The following TCF24 variants were observed in gnomAD, a reference collection of about 807,000 sequenced individuals.
The protein encoded by TCF24 is transcription factor 24.
In TCF24, 5 loss-of-function variants were observed where a neutral mutation model predicts 9.3. The ratio of observed to expected loss-of-function variants is 0.54; its 90% confidence interval spans 0.28 to 1.13. TCF24 has a LOEUF of 1.13. TCF24 is among the 50% of genes most tolerant of loss of function. TCF24 has a pLI of 0.09. For missense variants in TCF24, 220 were observed against 236.1 expected, an observed-to-expected ratio of 0.93 and a Z score of 0.45; for synonymous variants, 110 against 115.8, an observed-to-expected ratio of 0.95 and a Z score of 0.32.
At chr8:66,959,658 C>A (rs960156594) in intron 3 of TCF24, among the ~76,000 whole-genome samples, 9 of 152,282 alleles carry the variant, frequency 5.9e-5, no homozygotes, top group Non-Finnish European at 1.2e-4. Context: ...GTTCACTCCC[C>A]TAAAATAGTG....
chr8:66,958,747 A>G (rs1814207723), intron 3 of TCF24, among the ~76,000 whole-genome samples: 1 of 152,208 alleles, frequency 6.6e-6, no homozygotes, highest in Non-Finnish European at 1.5e-5. Flanking sequence ...TTGTTTACCT[A>G]TCATAGACAA....
At chr8:66,952,088 A>G (rs1214565192) in intron 3 of TCF24, among the ~76,000 whole-genome samples, 2 of 146,254 alleles carry the variant, frequency 1.4e-5, no homozygotes. Flanking sequence ...TTGTGTCTCT[A>G]TTTCCTTCAT....
At chr8:66,956,404 C>T (rs1476448799) in intron 3 of TCF24, among the ~76,000 whole-genome samples, 2 of 152,068 alleles carry the variant, frequency 1.3e-5, no homozygotes, top group Non-Finnish European at 1.5e-5. Context: ...TGCTCTGTCA[C>T]CCAGGCTGGA....
chr8:66,961,211 G>A (rs930339434), intron 3 of TCF24, among the ~76,000 whole-genome samples, 165 bp downstream of exon 3: 6 of 152,166 alleles, frequency 3.9e-5, no homozygotes, highest in African/African-American at 7.2e-5. Context: ...CTTTCGCGGC[G>A]GGGACCTTGC....
At chr8:66,948,465 C>T (rs1006349104) in intron 3 of TCF24, among the ~76,000 whole-genome samples, 1 of 152,048 alleles carries the variant, frequency 6.6e-6, no homozygotes, top group African/African-American at 2.4e-5. Flanking sequence ...AATATATCTG[C>T]CCGTAATGTT....
Position 66,948,131 on chromosome 8 carries a change from C to A in TCF24, c.424G>T (p.Ala142Ser). The A allele has an allele frequency of 6.5e-7, 1 of 1,534,114 alleles. No homozygotes were observed. The highest frequency in any genetic ancestry group is 1.2e-5 in the South Asian group (1 of 83,474). ...WPMRSRLYIG[A>S]TGQFLKHSVS... The stretch of plus-strand genomic sequence containing the variant: ...GAATGCTTCAGAAACTGACCAGTAG[C>A]ACCGATGTACAATCTTGATCGCATG... The change falls in exon 4 of 4, where the codon GCT becomes TCT. Residue 142 changes from alanine to serine, a missense_variant. Ala to Ser is a moderately conservative substitution (Grantham distance 99, BLOSUM62 1). Coordinates refer to ENST00000563496, the MANE Select transcript of TCF24 (RefSeq NM_001193502.2).
At position 66,948,076 on chromosome 8, in the gene TCF24, T is replaced by C. The variant is rs1585939603; in HGVS notation, c.479A>G (p.Asn160Ser). 5 of 1,534,744 alleles carry C rather than the reference T, an allele frequency of 3.3e-6. No homozygotes were observed. The highest frequency in any genetic ancestry group is 2.6e-6 in the Non-Finnish European group (3 of 1,146,530). Residue 160 changes from asparagine to serine, a missense_variant, in exon 4 of 4, where the codon AAC (asparagine) becomes AGC (serine). Asn to Ser is a conservative substitution (Grantham distance 46, BLOSUM62 1). Transcript: ENST00000563496. ...CTAAGGCTGTGAGTCTGTTGGAGTG[T>C]TGTCATGATTTGTTTTTTCTCCAGA... ...SVSGEKTNHD[N>S]TPTDSQP
intron 3 of TCF24, among the ~76,000 whole-genome samples, chr8:66,953,319 T>C (rs1400878524): frequency 6.6e-6 from 1 of 150,506 alleles, no homozygotes; most frequent in African/African-American, 2.4e-5. Context: ...AGCATTTGCT[T>C]GTCTGTAAAG....
At chr8:66,956,927 G>A (rs370804418) in intron 3 of TCF24, among the ~76,000 whole-genome samples, 7 of 151,890 alleles carry the variant, frequency 4.6e-5, no homozygotes, top group East Asian at 1.9e-4. Context: ...GAATCGGGCC[G>A]GGGGCAGTGG....
In TCF24 at chr8:66,958,160, CT is replaced by C. The variant is rs1283270658; in HGVS notation, c.390+3215del. 1.6e-4 allele frequency among the ~76,000 whole-genome samples: 24 copies of C among 152,164 alleles called. No homozygotes were observed. In the East Asian group the frequency reaches 4.6e-3, roughly 29 times the overall value. On this transcript the variant is annotated intron_variant, in intron 3 of 3. Coordinates refer to ENST00000563496, the MANE Select transcript of TCF24 (RefSeq NM_001193502.2). ...AATGTAGACACACAGTTTTAAGAGT[CT>C]GAAATTAAAATGTACATAGAATATT...
chr8:66,953,184 C>G (rs1324435946), intron 3 of TCF24, among the ~76,000 whole-genome samples: 1 of 151,950 alleles, frequency 6.6e-6, no homozygotes, highest in African/African-American at 2.4e-5. Context: ...CAGTTTCTTC[C>G]TAGTCTCGAT....
chr8:66,961,697 G>A lies in TCF24; in HGVS notation c.69C>T (p.Ala23=), dbSNP rs1814258494. Residue 23 remains alanine, a synonymous_variant, in exon 3 of 4, where the codon GCC becomes GCT. Transcript: ENST00000563496. ...ASAEPAPLAA[A]IRDSRPGRTG... is the part of the protein sequence containing the mutation. Reference sequence around the variant, plus strand: ...TCCGCCCGGGACGCGAGTCGCGGATGGCGGCGGCCAGGGGCGCGGGCTCGG... The same window carrying A: ...TCCGCCCGGGACGCGAGTCGCGGATAGCGGCGGCCAGGGGCGCGGGCTCGG... The A allele has an allele frequency of 1.8e-6, 2 of 1,093,350 alleles. No homozygotes were observed. Among genetic ancestry groups the A allele is most frequent in the Non-Finnish European group, 2.2e-6 (2 of 900,690 alleles). 67.7% of individuals were successfully genotyped at this position (1,093,350 alleles called of 1,614,324 possible).
Position 66,949,253 on chromosome 8 carries a change from C to G in TCF24, c.391-1089G>C, listed in dbSNP as rs531422890. On this transcript the variant is annotated intron_variant, in intron 3 of 3. Coordinates refer to ENST00000563496, the MANE Select transcript of TCF24 (RefSeq NM_001193502.2). ...ATATCTCCCAATGCTATCCCTCCCCCCTCCTCCCACCCCACCACAGTCCCC... is the reference window on the plus strand; with the variant it reads ...ATATCTCCCAATGCTATCCCTCCCCGCTCCTCCCACCCCACCACAGTCCCC... Among the ~76,000 whole-genome samples, 851 of 152,146 alleles carry G rather than the reference C, an allele frequency of 5.6e-3. 4 individuals carry two copies. The highest frequency in any genetic ancestry group is 8.8e-3 in the Non-Finnish European group (599 of 68,010).
rs1443544494 is a variant in TCF24, at chr8:66,947,535, A to T, written c.*516T>A. 6.6e-6 allele frequency: 1 copy of T among 152,278 alleles called. No individual in the cohort carries two copies. Among genetic ancestry groups the T allele is most frequent in the East Asian group, 1.9e-4 (1 of 5,202 alleles). 9.4% of individuals were successfully genotyped at this position (152,278 alleles called of 1,614,324 possible). A position where few individuals can be genotyped will look rare whatever the true frequency, so the allele number is the denominator to read the frequency against. The stretch of plus-strand genomic sequence containing the variant: ...TCTAATACTCCAAACAAGTTTTCTA[A>T]GAGGGAAAAGTAACTACTTATTGAA... On this transcript the variant is annotated 3_prime_UTR_variant, in exon 4 of 4. Transcript: ENST00000563496.
chr8:66,949,644 G>A (rs1419714256), intron 3 of TCF24, among the ~76,000 whole-genome samples: 1 of 152,076 alleles, frequency 6.6e-6, no homozygotes, highest in Non-Finnish European at 1.5e-5. Flanking sequence ...TGGGTCAAAT[G>A]GTATTTCTAG....
rs914768420 is a variant in TCF24, at chr8:66,962,458, T to C, written c.-264A>G. 2.6e-5 allele frequency: 4 copies of C among 152,692 alleles called. No homozygotes were observed. Among genetic ancestry groups the C allele is most frequent in the African/African-American group, 4.8e-5 (2 of 41,472 alleles). 9.5% of individuals were successfully genotyped at this position (152,692 alleles called of 1,614,324 possible). Reference sequence around the variant, plus strand: ...TCCGGCCGATGCCCAAGTCGACGGCTGTTTCCAACCTCCGCTGGCTGTGAC... The same window carrying C: ...TCCGGCCGATGCCCAAGTCGACGGCCGTTTCCAACCTCCGCTGGCTGTGAC... On this transcript the variant is annotated 5_prime_UTR_variant, in exon 1 of 4. Coordinates refer to ENST00000563496, the MANE Select transcript of TCF24 (RefSeq NM_001193502.2).
chr8:66,961,171 C>T (rs911745587), intron 3 of TCF24, among the ~76,000 whole-genome samples: 1 of 152,224 alleles, frequency 6.6e-6, no homozygotes, highest in African/African-American at 2.4e-5. Flanking sequence ...AAACGCCTCT[C>T]CAGCCACCTG....
At chr8:66,953,470 T>G (rs1814090888) in intron 3 of TCF24, among the ~76,000 whole-genome samples, 1 of 152,170 alleles carries the variant, frequency 6.6e-6, no homozygotes, top group Admixed American at 6.5e-5. Context: ...GATCCGCTGT[T>G]AGTCTGATGG....
intron 3 of TCF24, among the ~76,000 whole-genome samples, chr8:66,953,201 T>C (rs1010094600): frequency 7.9e-5 from 12 of 152,192 alleles, no homozygotes; most frequent in Non-Finnish European, 1.8e-4. Flanking sequence ...CGATGATCTT[T>C]ACATTTTGAC....
Sources: gnomAD v4.1 joint callset for allele counts (sites outside exome capture counted in the v4.1 genomes callset) on GRCh38, gnomAD v4.1.1 for gene constraint, MANE v1.5 for transcripts, NCBI Gene and HGNC (gene_info 2026-07-23, HGNC 2026-07-21) for gene names.